KCNIP4: variants seen among roughly 807,000 people sequenced by gnomAD.
KCNIP4 encodes potassium voltage-gated channel interacting protein 4.
A neutral mutation model predicts 34.0 loss-of-function variants in KCNIP4; 12 were observed. The ratio of observed to expected loss-of-function variants is 0.35; its 90% CI spans 0.23 to 0.57. The LOEUF (loss-of-function observed/expected upper bound fraction) is 0.57. Among genes scored for constraint, KCNIP4 ranks in the 20% least tolerant of loss-of-function variants. The pLI, the probability that KCNIP4 is intolerant of heterozygous loss-of-function variation, is 0.83. For synonymous variants in KCNIP4, 124 were observed against 102.2 expected (o/e 1.21, Z -1.29); for missense variants, 238 against 311.7 (o/e 0.76, Z 1.78).
chr4:21,866,740 T>C (rs1244742416), intron 1 of KCNIP4, among the ~76,000 whole-genome samples: 1 of 149,920 alleles, frequency 6.7e-6, no homozygotes, highest in Non-Finnish European at 1.5e-5. Flanking sequence ...CTATTCAAAG[T>C]GAATTCCATA....
At chr4:21,123,040 C>T (rs142051991) in intron 1 of KCNIP4, among the ~76,000 whole-genome samples, 49 of 149,596 alleles carry the variant, frequency 3.3e-4, no homozygotes, top group Non-Finnish European at 5.8e-4. Flanking sequence ...GAAACCCCAT[C>T]TCTACCAAAA....
At chr4:21,601,025 C>T (rs1743090740) in intron 1 of KCNIP4, among the ~76,000 whole-genome samples, 1 of 151,628 alleles carries the variant, frequency 6.6e-6, no homozygotes, top group Non-Finnish European at 1.5e-5. Context: ...GTTAAACAAA[C>T]AAAACAAAAA....
chr4:21,399,776 C>T (rs139997712), intron 1 of KCNIP4, among the ~76,000 whole-genome samples: 102 of 152,150 alleles, frequency 6.7e-4, no homozygotes, highest in Admixed American at 1.8e-3. Context: ...CCTGCCTCAG[C>T]CTCCCAAGTA....
At chr4:20,761,965 C>A (rs1754996598) in intron 3 of KCNIP4, among the ~76,000 whole-genome samples, 1 of 152,122 alleles carries the variant, frequency 6.6e-6, no homozygotes, top group African/African-American at 2.4e-5. Flanking sequence ...GGGACTGCTA[C>A]AATAAACCAG....
chr4:20,838,251 CT>C (rs1315514456), intron 3 of KCNIP4, among the ~76,000 whole-genome samples: 48 of 152,256 alleles, frequency 3.2e-4, no homozygotes, highest in Middle Eastern at 3.4e-3. Context: ...AGTCTTAGTA[CT>C]ATTTCTAAAT....
At chr4:21,735,619 T>TTTTG (rs1715936818) in intron 1 of KCNIP4, among the ~76,000 whole-genome samples, 2 of 152,110 alleles carry the variant, frequency 1.3e-5, no homozygotes, top group Admixed American at 6.5e-5. Context: ...TTGTTTTTGT[T>TTTTG]TTTGTTTTTG....
intron 1 of KCNIP4, among the ~76,000 whole-genome samples, chr4:20,905,590 C>A (rs1216005442): frequency 7.3e-6 from 1 of 136,630 alleles, no homozygotes; most frequent in Non-Finnish European, 1.5e-5. Flanking sequence ...CGGCTCACTG[C>A]AACCTCTACC....
At chr4:21,041,287 G>A (rs1741944261) in intron 1 of KCNIP4, among the ~76,000 whole-genome samples, 1 of 150,860 alleles carries the variant, frequency 6.6e-6, no homozygotes, top group Non-Finnish European at 1.5e-5. Flanking sequence ...TAGTTTCATT[G>A]GGGCTTCTCT....
chr4:20,863,229 G>A (rs574780220), intron 2 of KCNIP4, among the ~76,000 whole-genome samples: 2 of 152,272 alleles, frequency 1.3e-5, no homozygotes, highest in South Asian at 4.1e-4. Context: ...AGGGGCTCAG[G>A]AGGTGGGGAG....
intron 1 of KCNIP4, among the ~76,000 whole-genome samples, chr4:21,345,878 T>C (rs1176421959): frequency 6.6e-6 from 1 of 151,386 alleles, no homozygotes; most frequent in Non-Finnish European, 1.5e-5. Context: ...AATAACTCAT[T>C]GCTAAAATGG....
Position 20,771,825 on chromosome 4 carries a change from A to G in KCNIP4, c.289-12935T>C, listed in dbSNP as rs141902108. ...GCTGGGACTACAGGCACCCGCCACC[A>G]AGCTCAGCTAATTTTTTTGTATTTT... On this transcript the variant is annotated intron_variant, in intron 3 of 8. Transcript: ENST00000382152. Among the ~76,000 whole-genome samples, 574 of 152,158 alleles carry G rather than the reference A, an allele frequency of 3.8e-3. 2 individuals carry two copies. The highest frequency in any genetic ancestry group is 6.2e-3 in the Non-Finnish European group (422 of 68,006).
At chr4:21,078,031 C>A (rs550103764) in intron 1 of KCNIP4, among the ~76,000 whole-genome samples, 4 of 152,040 alleles carry the variant, frequency 2.6e-5, no homozygotes, top group Non-Finnish European at 5.9e-5. Context: ...GTGGCTTGGG[C>A]ACATTTATAT....
At chr4:21,578,101 C>T (rs1272448472) in intron 1 of KCNIP4, among the ~76,000 whole-genome samples, 2 of 151,908 alleles carry the variant, frequency 1.3e-5, no homozygotes, top group Non-Finnish European at 2.9e-5. Flanking sequence ...TTTGGGAGAA[C>T]GAGGTGGGTG....
chr4:21,210,576 T>G (rs2108976176), intron 1 of KCNIP4, among the ~76,000 whole-genome samples: 1 of 152,326 alleles, frequency 6.6e-6, no homozygotes, highest in African/African-American at 2.4e-5. Context: ...AGGTTTTATC[T>G]AATAACTTAG....
At chr4:21,552,073 A>G (rs1442992676) in intron 1 of KCNIP4, among the ~76,000 whole-genome samples, 1 of 151,600 alleles carries the variant, frequency 6.6e-6, no homozygotes, top group African/African-American at 2.4e-5. Flanking sequence ...CAACAAAAAA[A>G]AACCTTTGTG....
intron 1 of KCNIP4, among the ~76,000 whole-genome samples, chr4:21,866,540 A>G (rs1725426142): frequency 6.6e-6 from 1 of 152,160 alleles, no homozygotes; most frequent in African/African-American, 2.4e-5. Context: ...AGGAATCTAC[A>G]CTTAAAGAGT....
At chr4:21,736,830 C>G (rs1716023558) in intron 1 of KCNIP4, among the ~76,000 whole-genome samples, 1 of 152,112 alleles carries the variant, frequency 6.6e-6, no homozygotes, top group African/African-American at 2.4e-5. Flanking sequence ...TCATTAAAAG[C>G]TTGCGCTCAA....
At chr4:21,314,583 C>A (rs1245143057) in intron 1 of KCNIP4, among the ~76,000 whole-genome samples, 1 of 152,108 alleles carries the variant, frequency 6.6e-6, no homozygotes, top group African/African-American at 2.4e-5. Context: ...ATGCATTTTT[C>A]AAACTATATC....
At chr4:21,536,953 T>C (rs1035879548) in intron 1 of KCNIP4, among the ~76,000 whole-genome samples, 8 of 152,280 alleles carry the variant, frequency 5.3e-5, no homozygotes, top group African/African-American at 1.9e-4. Context: ...TCTATTACAC[T>C]CTGCTGTTTC....
Sources: gnomAD v4.1 joint callset for allele counts (sites outside exome capture counted in the v4.1 genomes callset) on GRCh38, gnomAD v4.1.1 for gene constraint, MANE v1.5 for transcripts, NCBI Gene and HGNC (gene_info 2026-07-23, HGNC 2026-07-21) for gene names.